CRADD: variants seen among roughly 807,000 people sequenced by gnomAD.
CRADD encodes the protein death domain-containing protein CRADD.
In CRADD, 9 loss-of-function variants were observed where a neutral mutation model predicts 15.5. That is an observed-to-expected ratio of 0.58 (90% CI 0.35 to 1.01). CRADD has a LOEUF of 1.01. Ranked by LOEUF, CRADD falls within the 50% of genes least tolerant of loss-of-function variation. The pLI, the probability that CRADD is intolerant of heterozygous loss-of-function variation, is 0.02. For missense variants in CRADD, 227 were observed against 250.3 expected (o/e 0.91, Z 0.63); for synonymous variants, 118 against 107.6 (o/e 1.10, Z -0.60).
At chr12:93,841,015 T>A (rs1007522937) in intron 2 of CRADD, among the ~76,000 whole-genome samples, 1 of 152,198 alleles carries the variant, frequency 6.6e-6, no homozygotes, top group Non-Finnish European at 1.5e-5. Context: ...ATATTTTGAA[T>A]TTTTAAAGAA....
chr12:93,787,322 T>G (rs1349321955), intron 2 of CRADD, among the ~76,000 whole-genome samples: 1 of 150,116 alleles, frequency 6.7e-6, no homozygotes, highest in Non-Finnish European at 1.5e-5. Flanking sequence ...TTTTTTTTTT[T>G]TTTTTTTTAA....
intron 2 of CRADD, among the ~76,000 whole-genome samples, chr12:93,688,522 CT>C (rs533667989): frequency 6.6e-6 from 1 of 150,792 alleles, no homozygotes; most frequent in African/African-American, 2.4e-5. Flanking sequence ...CAAAAGCAGT[CT>C]TTTGTGTCTC....
At chr12:93,841,620 G>A (rs1958048362) in intron 2 of CRADD, among the ~76,000 whole-genome samples, 1 of 152,126 alleles carries the variant, frequency 6.6e-6, no homozygotes, top group Non-Finnish European at 1.5e-5. Flanking sequence ...GTGTTTAGAG[G>A]TCATTGTTCA....
At chr12:93,684,105 G>A (rs1375466380) in intron 2 of CRADD, among the ~76,000 whole-genome samples, 1 of 152,150 alleles carries the variant, frequency 6.6e-6, no homozygotes, top group East Asian at 1.9e-4. Context: ...TGAATGCCAG[G>A]TACTGGGTAT....
At chr12:93,845,111 C>G (rs1353966655) in intron 2 of CRADD, among the ~76,000 whole-genome samples, 2 of 152,100 alleles carry the variant, frequency 1.3e-5, no homozygotes, top group Non-Finnish European at 2.9e-5. Flanking sequence ...GCAGAGTGGG[C>G]CCTGGTCTAA....
chr12:93,855,425 A>G (rs1958264430), downstream of CRADD, among the ~76,000 whole-genome samples: 1 of 152,228 alleles, frequency 6.6e-6, no homozygotes, highest in Non-Finnish European at 1.5e-5. Context: ...CGAAAAGATT[A>G]CTAATAAATA....
chr12:93,807,640 G>T (rs1957554662), intron 2 of CRADD, among the ~76,000 whole-genome samples: 1 of 152,074 alleles, frequency 6.6e-6, no homozygotes, highest in South Asian at 2.1e-4. Context: ...AAATCTATGA[G>T]AATCTATGAG....
intron 2 of CRADD, among the ~76,000 whole-genome samples, chr12:93,866,103 A>T (rs1241941679): frequency 1.3e-5 from 2 of 152,208 alleles, no homozygotes; most frequent in East Asian, 3.8e-4. Flanking sequence ...CTTAAATTTC[A>T]CAATGATATG....
intron 2 of CRADD, among the ~76,000 whole-genome samples, chr12:93,747,815 T>A (rs1956778195): frequency 6.6e-6 from 1 of 152,066 alleles, no homozygotes; most frequent in Non-Finnish European, 1.5e-5. Context: ...GGCAGTGGTG[T>A]CAGGTGGCCT....
exon 3 of CRADD, chr12:93,894,235 G>A (rs1022670467): frequency 2.8e-5 from 13 of 468,684 alleles, no homozygotes; most frequent in East Asian, 1.6e-4. Flanking sequence ...GTCTGGAGGC[G>A]TTTTTGGTTG....
chr12:93,841,867 CACTT>C (rs1241663589), intron 2 of CRADD, among the ~76,000 whole-genome samples: 1 of 152,144 alleles, frequency 6.6e-6, no homozygotes, highest in African/African-American at 2.4e-5. Context: ...CAGCATATGA[CACTT>C]ACATCAGTAA....
intron 2 of CRADD, chr12:93,790,736 A>G (rs937864511): frequency 5.9e-5 from 9 of 152,130 alleles, no homozygotes; most frequent in African/African-American, 4.8e-5. Context: ...ATAAATTTGA[A>G]AAACCAGAAC....
intron 2 of CRADD, among the ~76,000 whole-genome samples, chr12:93,846,965 T>C (rs1958129210): frequency 6.6e-6 from 1 of 151,988 alleles, no homozygotes; most frequent in South Asian, 2.1e-4. Context: ...TAGCCAGGCA[T>C]GGTAGTAGGC....
chr12:93,799,084 T>G (rs1957450603), intron 2 of CRADD, among the ~76,000 whole-genome samples: 1 of 152,160 alleles, frequency 6.6e-6, no homozygotes, highest in Non-Finnish European at 1.5e-5. Flanking sequence ...CCAGGGTAAC[T>G]TTGGTTTCCT....
chr12:93,842,356 G>C (rs572776307), intron 2 of CRADD, among the ~76,000 whole-genome samples: 9 of 152,204 alleles, frequency 5.9e-5, no homozygotes, highest in Non-Finnish European at 1.3e-4. Flanking sequence ...ACAGAGATTC[G>C]TTAGAAGACA....
chr12:93,707,625 A>G (rs1419187857), intron 2 of CRADD, among the ~76,000 whole-genome samples: 1 of 152,146 alleles, frequency 6.6e-6, no homozygotes, highest in African/African-American at 2.4e-5. Flanking sequence ...GTCCCAGAAC[A>G]CCAGTTCTCC....
intron 2 of CRADD, among the ~76,000 whole-genome samples, chr12:93,712,722 C>T (rs369774724): frequency 3.6e-4 from 55 of 152,062 alleles, no homozygotes; most frequent in African/African-American, 1.2e-3. Flanking sequence ...TTCTGATTTT[C>T]GAGAGTGAGG....
At chr12:93,780,967 G>T (rs1240338230) in intron 2 of CRADD, among the ~76,000 whole-genome samples, 3 of 150,962 alleles carry the variant, frequency 2.0e-5, no homozygotes, top group Admixed American at 6.6e-5. Flanking sequence ...TATTGGCCAG[G>T]CTGGTCTCGA....
At chr12:93,810,042 A>T (rs1957603049) in intron 2 of CRADD, among the ~76,000 whole-genome samples, 2 of 152,184 alleles carry the variant, frequency 1.3e-5, no homozygotes, top group Non-Finnish European at 2.9e-5. Flanking sequence ...GCTTGTCCAA[A>T]TTGCGTGTAA....
Sources: allele counts gnomAD v4.1 joint callset (sites outside exome capture counted in the v4.1 genomes callset), GRCh38; gene constraint gnomAD v4.1.1; transcripts MANE v1.5; gene names NCBI Gene and HGNC (gene_info 2026-07-23, HGNC 2026-07-21).